ANK2: variants seen among roughly 807,000 people sequenced by gnomAD.
The protein encoded by ANK2 is ankyrin 2, also known as ankyrin-2.
Under a neutral mutation model 360.5 loss-of-function variants are expected in ANK2, and 83 were observed. That is an observed-to-expected ratio of 0.23 (90% confidence interval 0.19 to 0.28). The LOEUF (loss-of-function observed/expected upper bound fraction) is 0.28. Among genes scored for constraint, ANK2 ranks in the 10% least tolerant of loss-of-function variants. The pLI is 1.00. For missense variants in ANK2, 4,201 were observed against 4,795.7 expected (o/e 0.88, Z 3.66); for synonymous variants, 1,740 against 1,759.5 (o/e 0.99, Z 0.28).
intron 4 of ANK2, among the ~76,000 whole-genome samples, chr4:113,210,027 A>C (rs559385768): frequency 6.6e-6 from 1 of 152,316 alleles, no homozygotes; most frequent in East Asian, 1.9e-4. Flanking sequence ...TCAGAGACAT[A>C]TGTTAAGATG....
At chr4:113,134,013 A>C (rs1036757239) in intron 1 of ANK2, among the ~76,000 whole-genome samples, 1 of 152,192 alleles carries the variant, frequency 6.6e-6, no homozygotes, top group Admixed American at 6.5e-5. Context: ...TTTACACTAC[A>C]GCAAGGTCCC....
chr4:112,830,289 T>A (rs1330155049), intron 1 of ANK2, among the ~76,000 whole-genome samples: 1 of 152,188 alleles, frequency 6.6e-6, no homozygotes, highest in Non-Finnish European at 1.5e-5. Flanking sequence ...TAAAATGTGG[T>A]ACATACACAA....
At chr4:112,837,254 G>A (rs12504220) in intron 1 of ANK2, among the ~76,000 whole-genome samples, 2 of 152,052 alleles carry the variant, frequency 1.3e-5, no homozygotes, top group African/African-American at 4.8e-5. Context: ...CCTTGGCAAC[G>A]TCCATGTGGT....
chr4:112,946,024 C>T (rs912437885), intron 2 of ANK2, among the ~76,000 whole-genome samples: 4 of 152,192 alleles, frequency 2.6e-5, no homozygotes, highest in African/African-American at 9.7e-5. Flanking sequence ...AGGCAATGAT[C>T]TTGTCACTCT....
the ANK2 span, among the ~76,000 whole-genome samples, chr4:112,714,529 T>TACAAG: frequency 1.6e-4 from 25 of 152,174 alleles, no homozygotes; most frequent in Non-Finnish European, 1.8e-4. Context: ...CATATGAAGC[T>TACAAG]ACAAGACAAG....
intron 8 of ANK2, among the ~76,000 whole-genome samples, chr4:113,241,078 G>T (rs2153569489): frequency 6.6e-6 from 1 of 152,182 alleles, no homozygotes; most frequent in Middle Eastern, 3.4e-3. Flanking sequence ...TTATTAGAAA[G>T]AATTCACTTA....
At chr4:112,744,500 C>T in the ANK2 span, among the ~76,000 whole-genome samples, 1 of 151,968 alleles carries the variant, frequency 6.6e-6, no homozygotes, top group African/African-American at 2.4e-5. Flanking sequence ...GGGCATGCCA[C>T]ACCACACCAG....
intron 4 of ANK2, among the ~76,000 whole-genome samples, chr4:113,218,241 G>A (rs1170863857): frequency 6.6e-6 from 1 of 152,122 alleles, no homozygotes; most frequent in Non-Finnish European, 1.5e-5. Flanking sequence ...TACCAGACAT[G>A]GAGTGAGAAT....
intron 1 of ANK2, among the ~76,000 whole-genome samples, chr4:112,870,852 T>C (rs527643710): frequency 1.3e-5 from 2 of 152,336 alleles, no homozygotes; most frequent in East Asian, 3.9e-4. Context: ...TTTGATAGTG[T>C]ACTGAATTTG....
At chr4:113,201,642 CT>C (rs2098832311) in intron 4 of ANK2, among the ~76,000 whole-genome samples, 1 of 152,160 alleles carries the variant, frequency 6.6e-6, no homozygotes, top group South Asian at 2.1e-4. Context: ...CCATATTTTA[CT>C]TTCCTCAAAA....
At position 112,998,184 on chromosome 4, in the gene ANK2, C is replaced by A. The variant is rs566489037; in HGVS notation, c.21+93670C>A. Among the ~76,000 whole-genome samples the A allele has an allele frequency of 1.2e-4, 19 of 152,050 alleles. No individual in the cohort carries two copies. The South Asian group carries it at 3.9e-3, about 32-fold the overall frequency. ...AGATAACCCAGTGGCAATAAATAAT[C>A]GCCATTTTCAAGGTACATTTGCCTG... is the stretch of plus-strand genomic sequence containing the variant. On this transcript the variant is annotated intron_variant, in intron 2 of 30. Transcript: ENST00000503271.
At chr4:112,830,614 TATTA>T (rs386678522) in intron 1 of ANK2, among the ~76,000 whole-genome samples, 1 of 145,292 alleles carries the variant, frequency 6.9e-6, no homozygotes, top group African/African-American at 2.5e-5. Flanking sequence ...CAATTATTAT[TATTA>T]TTTTTTTTTG....
At chr4:113,068,688 A>G (rs1243466674) in intron 1 of ANK2, among the ~76,000 whole-genome samples, 1 of 152,210 alleles carries the variant, frequency 6.6e-6, no homozygotes, top group Non-Finnish European at 1.5e-5. Flanking sequence ...GTAGACAATA[A>G]AGATAATAAA....
At chr4:112,957,215 T>G (rs1411189825) in intron 2 of ANK2, among the ~76,000 whole-genome samples, 4 of 151,574 alleles carry the variant, frequency 2.6e-5, no homozygotes, top group East Asian at 1.9e-4. Context: ...TGGTGATGAC[T>G]CTTAACGAGC....
At chr4:113,196,596 C>A (rs545553441) in intron 3 of ANK2, 130 bp downstream of exon 3, 2 of 848,492 alleles carry the variant, frequency 2.4e-6, no homozygotes, top group African/African-American at 1.7e-5. Flanking sequence ...GGTACAATCA[C>A]GGCTCACCGA....
At chr4:112,885,496 C>A (rs867210803) in intron 1 of ANK2, among the ~76,000 whole-genome samples, 34 of 123,042 alleles carry the variant, frequency 2.8e-4, no homozygotes, top group Middle Eastern at 5.2e-3. Flanking sequence ...AAGACTCCAT[C>A]AAAAAAAAAA....
chr4:113,048,542 G>C (rs2065574517), upstream of ANK2, among the ~76,000 whole-genome samples: 2 of 149,974 alleles, frequency 1.3e-5, no homozygotes, highest in South Asian at 4.2e-4. Flanking sequence ...CAAAATGCTG[G>C]GATTATAGGC....
the ANK2 span, among the ~76,000 whole-genome samples, chr4:112,758,468 C>A: frequency 2.6e-5 from 4 of 151,934 alleles, no homozygotes; most frequent in Non-Finnish European, 4.4e-5. Context: ...TGGAGTGCAG[C>A]GGCTCAATTT....
At chr4:113,141,619 G>T (rs2096640132) in intron 1 of ANK2, among the ~76,000 whole-genome samples, 1 of 152,118 alleles carries the variant, frequency 6.6e-6, no homozygotes, top group African/African-American at 2.4e-5. Flanking sequence ...TAACTAAGAG[G>T]TCTTCTCAAA....
Sources: allele counts gnomAD v4.1 joint callset (sites outside exome capture counted in the v4.1 genomes callset), GRCh38; gene constraint gnomAD v4.1.1; transcripts MANE v1.5; gene names NCBI Gene and HGNC (gene_info 2026-07-23, HGNC 2026-07-21).